Variants in XKR6 observed in about 807,000 individuals in gnomAD.
The protein encoded by XKR6 is XK related 6, also known as XK-related protein 6.
XKR6 carries 22 observed loss-of-function variants against 56.7 expected under a neutral mutation model. That is an observed-to-expected ratio of 0.39 (90% CI 0.28 to 0.55). The LOEUF is 0.55. Ranked by LOEUF, XKR6 falls within the 20% of genes least tolerant of loss-of-function variation. The pLI, the probability that XKR6 is intolerant of heterozygous loss-of-function variation, is 0.66. For missense variants in XKR6, 852 were observed against 889.0 expected, an observed-to-expected ratio of 0.96 and a Z score of 0.53; for synonymous variants, 524 against 387.8, an observed-to-expected ratio of 1.35 and a Z score of -4.13.
intron 1 of XKR6, among the ~76,000 whole-genome samples, chr8:11,129,742 G>A (rs556702320): frequency 6.6e-6 from 1 of 152,018 alleles, no homozygotes; most frequent in Non-Finnish European, 1.5e-5. Context: ...TTTTTAAATC[G>A]ATGTGGGAAG....
chr8:11,149,406 C>T (rs913522807), intron 1 of XKR6, among the ~76,000 whole-genome samples: 3 of 152,122 alleles, frequency 2.0e-5, no homozygotes, highest in Non-Finnish European at 4.4e-5. Context: ...CAACCACCGT[C>T]GTATATGTGG....
At chr8:10,997,437 G>C (rs1164286760) in intron 1 of XKR6, among the ~76,000 whole-genome samples, 2 of 152,320 alleles carry the variant, frequency 1.3e-5, no homozygotes, top group Middle Eastern at 3.4e-3. Flanking sequence ...AACCCAGAGA[G>C]CAGGGGTGGC....
chr8:11,035,072 C>A (rs755361316), intron 1 of XKR6: 1 of 413,296 alleles, frequency 2.4e-6, no homozygotes, highest in Non-Finnish European at 5.1e-6. Flanking sequence ...TCTTTCTGAG[C>A]TTCGGTTTCC....
intron 1 of XKR6, among the ~76,000 whole-genome samples, chr8:11,118,816 T>C (rs1455557502): frequency 1.3e-5 from 2 of 152,236 alleles, no homozygotes; most frequent in Non-Finnish European, 2.9e-5. Flanking sequence ...CCTTCAGTTC[T>C]GCCCTGATCT....
At chr8:10,976,872 C>T (rs1350754123) in intron 1 of XKR6, among the ~76,000 whole-genome samples, 2 of 152,134 alleles carry the variant, frequency 1.3e-5, no homozygotes, top group Non-Finnish European at 2.9e-5. Context: ...ATCTGGCTGC[C>T]TGAGCCCCAG....
intron 1 of XKR6, among the ~76,000 whole-genome samples, chr8:10,942,605 G>T (rs762038334): frequency 6.6e-6 from 1 of 152,220 alleles, no homozygotes; most frequent in Non-Finnish European, 1.5e-5. Flanking sequence ...AGGACAGCAG[G>T]AGCCCTCAAA....
intron 1 of XKR6, chr8:11,125,927 T>G (rs1423810307): frequency 6.6e-6 from 1 of 152,240 alleles, no homozygotes; most frequent in Non-Finnish European, 1.5e-5. Flanking sequence ...CCATGTTGCT[T>G]CTCTGGCACT....
chr8:11,201,309 C>A lies in XKR6; in HGVS notation c.31G>T (p.Gly11Trp), dbSNP rs767779475. The change falls in exon 1 of 3, where the codon GGG (glycine) becomes TGG (tryptophan). Residue 11 changes from glycine (G) to tryptophan (W), a missense_variant. This residue lies in a region of XKR6 where 417 missense variants were observed against 355.2 expected (regional missense o/e 1.17). Coordinates refer to ENST00000416569, the MANE Select transcript of XKR6 (RefSeq NM_173683.4). ...TTGTGCAGCTGAGCGAAGCCCACCC[C>A]CACGCCACCGCCATCGGATTTCGCC... MAAKSDGGGV[G>W]VGFAQLHNLD... 1 of 1,580,084 alleles carries A rather than the reference C, an allele frequency of 6.3e-7. No homozygotes were observed. Among genetic ancestry groups the A allele is most frequent in the South Asian group, 1.1e-5 (1 of 89,164 alleles).
intron 1 of XKR6, among the ~76,000 whole-genome samples, chr8:11,042,306 A>G (rs1429040107): frequency 1.3e-5 from 2 of 151,344 alleles, no homozygotes; most frequent in Non-Finnish European, 2.9e-5. Context: ...CTGTGTCCCC[A>G]CCCAAATCTC....
At chr8:11,059,341 C>T (rs1350281862) in intron 1 of XKR6, among the ~76,000 whole-genome samples, 1 of 152,238 alleles carries the variant, frequency 6.6e-6, no homozygotes, top group Non-Finnish European at 1.5e-5. Context: ...TATGAGCGCC[C>T]CGGAGACTCT....
intron 1 of XKR6, among the ~76,000 whole-genome samples, chr8:10,982,253 C>G (rs1797752677): frequency 6.6e-6 from 1 of 152,168 alleles, no homozygotes; most frequent in Non-Finnish European, 1.5e-5. Flanking sequence ...TTTGATTTCT[C>G]CCAGTTGAAA....
chr8:11,040,027 G>A (rs1015149913), intron 1 of XKR6, among the ~76,000 whole-genome samples: 3 of 151,990 alleles, frequency 2.0e-5, no homozygotes, highest in Admixed American at 6.6e-5. Flanking sequence ...TCCCCATCCC[G>A]CCACCCTCTG....
chr8:10,968,978 A>C (rs1802316509), intron 1 of XKR6, among the ~76,000 whole-genome samples: 1 of 152,198 alleles, frequency 6.6e-6, no homozygotes. Context: ...TTCCACCTAA[A>C]AGTTAAAGTT....
intron 1 of XKR6, among the ~76,000 whole-genome samples, chr8:10,994,489 G>T (rs74414275): frequency 2.0e-5 from 3 of 152,206 alleles, no homozygotes; most frequent in African/African-American, 7.2e-5. Flanking sequence ...GAAGGGCAGA[G>T]GTGGGCTCTG....
At chr8:11,180,881 T>C (rs1020570662) in intron 1 of XKR6, among the ~76,000 whole-genome samples, 29 of 152,198 alleles carry the variant, frequency 1.9e-4, no homozygotes, top group African/African-American at 6.8e-4. Flanking sequence ...CACTACAGCC[T>C]GAGCAACTGA....
chr8:11,102,551 T>G (rs961935888), intron 1 of XKR6, among the ~76,000 whole-genome samples: 5 of 152,070 alleles, frequency 3.3e-5, no homozygotes, highest in Admixed American at 6.6e-5. Flanking sequence ...ACACCAATTG[T>G]TGAGAAATGT....
At chr8:10,934,846 T>G (rs1357203965) in intron 1 of XKR6, among the ~76,000 whole-genome samples, 1 of 149,466 alleles carries the variant, frequency 6.7e-6, no homozygotes. Context: ...TCAGGGATAT[T>G]GGTCTAAAAT....
At chr8:11,119,502 G>A (rs1799342865) in intron 1 of XKR6, among the ~76,000 whole-genome samples, 1 of 152,172 alleles carries the variant, frequency 6.6e-6, no homozygotes, top group South Asian at 2.1e-4. Context: ...CCTGCATTGG[G>A]TGCACATATA....
At chr8:10,990,352 C>A (rs922693645) in intron 1 of XKR6, among the ~76,000 whole-genome samples, 1 of 152,206 alleles carries the variant, frequency 6.6e-6, no homozygotes, top group Admixed American at 6.5e-5. Flanking sequence ...AAAGCCTGCT[C>A]TGGTCCCAAA....
Sources: gnomAD v4.1 joint callset for allele counts (sites outside exome capture counted in the v4.1 genomes callset) on GRCh38, gnomAD v4.1.1 for gene constraint, gnomAD v4.1.1 regional missense constraint, MANE v1.5 for transcripts, NCBI Gene and HGNC (gene_info 2026-07-23, HGNC 2026-07-21) for gene names.